Variants in GRID2 observed in about 807,000 individuals in gnomAD.
GRID2 encodes the protein glutamate ionotropic receptor delta type subunit 2.
GRID2 carries 33 observed loss-of-function variants against 114.8 expected under a neutral mutation model. The ratio of observed to expected loss-of-function variants is 0.29; its 90% CI spans 0.22 to 0.38. The LOEUF (loss-of-function observed/expected upper bound fraction) is 0.38, where lower values mean the gene tolerates loss of function less well. GRID2 is among the 10% of genes least tolerant of loss of function. The probability of loss-of-function intolerance (pLI) is 1.00; values close to 1 mark genes in which losing one functional copy is unlikely to be tolerated. For missense variants in GRID2, 1,184 were observed against 1,257.7 expected, an observed-to-expected ratio of 0.94 and a Z score of 0.89; for synonymous variants, 505 against 449.9, an observed-to-expected ratio of 1.12 and a Z score of -1.55.
intron 2 of GRID2, among the ~76,000 whole-genome samples, chr4:92,984,533 T>C (rs1029047240): frequency 6.6e-6 from 1 of 152,220 alleles, no homozygotes; most frequent in Non-Finnish European, 1.5e-5. Flanking sequence ...CTCATTTGGG[T>C]ACCATGCATG....
At chr4:93,054,589 T>A (rs1339378301) in intron 2 of GRID2, among the ~76,000 whole-genome samples, 1 of 152,066 alleles carries the variant, frequency 6.6e-6, no homozygotes, top group East Asian at 1.9e-4. Flanking sequence ...AATCTCAGAT[T>A]CAAATAAGTG....
chr4:93,724,781 TTTG>T (rs951934178), intron 14 of GRID2, among the ~76,000 whole-genome samples: 2 of 151,690 alleles, frequency 1.3e-5, no homozygotes, highest in Non-Finnish European at 2.9e-5. Context: ...AGAGCTTATT[TTTG>T]TTGTTGTTGT....
At chr4:92,910,310 G>A (rs1415660235) in intron 2 of GRID2, among the ~76,000 whole-genome samples, 3 of 151,994 alleles carry the variant, frequency 2.0e-5, no homozygotes, top group African/African-American at 7.2e-5. Flanking sequence ...CAATCCCCCA[G>A]AGAACCTGCT....
chr4:93,215,167 G>T (rs577046094), intron 5 of GRID2, among the ~76,000 whole-genome samples: 1 of 152,032 alleles, frequency 6.6e-6, no homozygotes, highest in South Asian at 2.1e-4. Flanking sequence ...ATTATGAGTG[G>T]TGTAGATAGA....
chr4:92,305,818 G>T (rs1438392970), intron 1 of GRID2, among the ~76,000 whole-genome samples: 2 of 152,224 alleles, frequency 1.3e-5, no homozygotes, highest in Non-Finnish European at 2.9e-5. Flanking sequence ...CCTTTTCTGC[G>T]TTAATGCGAC....
chr4:93,749,908 C>T (rs1356608607), intron 14 of GRID2, among the ~76,000 whole-genome samples: 1 of 152,298 alleles, frequency 6.6e-6, no homozygotes, highest in East Asian at 1.9e-4. Context: ...CAGTAACTAC[C>T]TCACAGGGTG....
At chr4:92,741,152 A>G (rs143635876) in intron 2 of GRID2, among the ~76,000 whole-genome samples, 50 of 152,264 alleles carry the variant, frequency 3.3e-4, no homozygotes, top group Middle Eastern at 6.8e-3. Context: ...TACTTTGGAT[A>G]TAGTAAATAT....
At chr4:92,943,593 T>G (rs906059990) in intron 2 of GRID2, among the ~76,000 whole-genome samples, 2 of 152,234 alleles carry the variant, frequency 1.3e-5, no homozygotes, top group African/African-American at 4.8e-5. Flanking sequence ...AAAGTCATTC[T>G]CCATCCAGCT....
At chr4:92,587,184 T>G (rs1728494706) in intron 1 of GRID2, among the ~76,000 whole-genome samples, 1 of 151,336 alleles carries the variant, frequency 6.6e-6, no homozygotes, top group African/African-American at 2.4e-5. Flanking sequence ...TCTAATCTGC[T>G]TTTCCCATGA....
In GRID2 at chr4:93,706,995, A is replaced by G. The variant is rs183601435; in HGVS notation, c.2361-62215A>G. On this transcript the variant is annotated intron_variant, in intron 14 of 15. Transcript: ENST00000282020. ...TTTTCTCCTTCGTTCTGTTAATATG[A>G]TGTATCACATTGATTGGTTTATGTG... 3.2e-4 allele frequency among the ~76,000 whole-genome samples: 49 copies of G among 152,126 alleles called. No individual in the cohort carries two copies. In the East Asian group the frequency reaches 8.9e-3, roughly 28 times the overall value.
chr4:92,911,348 G>A (rs952589686), intron 2 of GRID2, among the ~76,000 whole-genome samples: 2 of 152,014 alleles, frequency 1.3e-5, no homozygotes, highest in South Asian at 2.1e-4. Context: ...TTTTCTTTGC[G>A]AAGAATTTAG....
In GRID2 at chr4:92,822,298, G is replaced by A. The variant is rs11540193; in HGVS notation, c.244+232012G>A. 6.4e-4 allele frequency: 390 copies of A among 611,366 alleles called. 2 individuals are homozygous for A. In the East Asian group the frequency reaches 0.014, roughly 22 times the overall value. The allele number at this position is 611,366 out of a possible 1,614,324, so 37.9% of individuals were successfully genotyped here. On this transcript the variant is annotated intron_variant, in intron 2 of 15. Coordinates refer to ENST00000282020, the MANE Select transcript of GRID2 (RefSeq NM_001510.4). ...GGCATGGCATGGCATGGCCAGCATT[G>A]CCTCCAGAAGCACAGAGGGATCCAT...
intron 2 of GRID2, among the ~76,000 whole-genome samples, chr4:92,719,439 TTTAA>T (rs1453422354): frequency 1.3e-5 from 2 of 152,324 alleles, no homozygotes; most frequent in East Asian, 3.9e-4. Flanking sequence ...GCTACAATGG[TTTAA>T]TTAATGATCG....
intron 14 of GRID2, among the ~76,000 whole-genome samples, chr4:93,768,450 C>T (rs1204055259): frequency 6.6e-6 from 1 of 152,140 alleles, no homozygotes; most frequent in Admixed American, 6.5e-5. Flanking sequence ...GTGCAGCTAC[C>T]CTCAGACTCT....
At chr4:92,995,958 T>TC (rs960472300) in intron 2 of GRID2, among the ~76,000 whole-genome samples, 1 of 152,120 alleles carries the variant, frequency 6.6e-6, no homozygotes, top group Non-Finnish European at 1.5e-5. Context: ...TTTTTTTTTT[T>TC]CTATTCTAAA....
chr4:92,359,415 T>A (rs571734205), intron 1 of GRID2, among the ~76,000 whole-genome samples: 1 of 152,150 alleles, frequency 6.6e-6, no homozygotes, highest in East Asian at 1.9e-4. Context: ...AAGTTACTTA[T>A]CTGACCTATA....
At chr4:93,135,684 C>G (rs1357762187) in intron 4 of GRID2, among the ~76,000 whole-genome samples, 1 of 152,114 alleles carries the variant, frequency 6.6e-6, no homozygotes, top group Non-Finnish European at 1.5e-5. Context: ...AAGATATGAT[C>G]TGAGTTTGAA....
intron 2 of GRID2, among the ~76,000 whole-genome samples, chr4:92,704,666 C>A (rs1421788409): frequency 6.6e-6 from 1 of 151,372 alleles, no homozygotes; most frequent in African/African-American, 2.4e-5. Context: ...ACAGTCCACA[C>A]TGGAAGATTT....
chr4:93,578,751 G>C (rs975785519), intron 13 of GRID2, among the ~76,000 whole-genome samples: 1 of 151,658 alleles, frequency 6.6e-6, no homozygotes, highest in African/African-American at 2.4e-5. Flanking sequence ...CCGCCACCAC[G>C]CCCAGCTAAT....
Sources: gnomAD v4.1 joint callset for allele counts (sites outside exome capture counted in the v4.1 genomes callset) on GRCh38, gnomAD v4.1.1 for gene constraint, MANE v1.5 for transcripts, NCBI Gene and HGNC (gene_info 2026-07-23, HGNC 2026-07-21) for gene names.